MAPK8: variants seen among roughly 807,000 people sequenced by gnomAD.
The protein encoded by MAPK8 is mitogen-activated protein kinase 8, also known as JUN N-terminal kinase.
A neutral mutation model predicts 52.9 loss-of-function variants in MAPK8; 13 were observed. The observed-to-expected ratio is 0.25, with a 90% confidence interval of 0.16 to 0.39. MAPK8 has a LOEUF of 0.39. Ranked by LOEUF, MAPK8 falls within the 10% of genes least tolerant of loss-of-function variation. MAPK8 has a pLI of 1.00. For synonymous variants in MAPK8, 191 were observed against 169.8 expected, an observed-to-expected ratio of 1.12 and a Z score of -0.97; for missense variants, 300 against 519.2, an observed-to-expected ratio of 0.58 and a Z score of 4.10.
chr10:48,400,236 G>A (rs1372249470), intron 1 of MAPK8, among the ~76,000 whole-genome samples: 1 of 152,156 alleles, frequency 6.6e-6, no homozygotes, highest in Non-Finnish European at 1.5e-5. Flanking sequence ...AGTCTTCCCT[G>A]GAGCACTACA....
intron 1 of MAPK8, among the ~76,000 whole-genome samples, chr10:48,388,981 G>A (rs1177875332): frequency 6.6e-6 from 1 of 152,030 alleles, no homozygotes; most frequent in Non-Finnish European, 1.5e-5. Context: ...TTTTTTGGGG[G>A]GAAAGGAGGA....
chr10:48,337,734 G>A (rs1844834532), intron 1 of MAPK8, among the ~76,000 whole-genome samples: 1 of 152,006 alleles, frequency 6.6e-6, no homozygotes, highest in Admixed American at 6.6e-5. Context: ...AAAGAGAGAA[G>A]ATTCAAATAA....
intron 10 of MAPK8, among the ~76,000 whole-genome samples, chr10:48,428,450 C>G (rs1240913636): frequency 6.6e-6 from 1 of 152,174 alleles, no homozygotes; most frequent in Non-Finnish European, 1.5e-5. Flanking sequence ...AGAGTTGTCT[C>G]TAAATCCTGG....
At chr10:48,356,841 C>CAAAAAAA (rs869186711) in intron 1 of MAPK8, among the ~76,000 whole-genome samples, 13 of 30,278 alleles carry the variant, frequency 4.3e-4, no homozygotes, top group Non-Finnish European at 7.2e-4. Context: ...GACTCCGTCT[C>CAAAAAAA]AAAAAAAAAA....
chr10:48,391,061 A>C (rs1285092376), intron 1 of MAPK8, among the ~76,000 whole-genome samples: 1 of 152,228 alleles, frequency 6.6e-6, no homozygotes, highest in Non-Finnish European at 1.5e-5. Context: ...GGATAGATAC[A>C]AAAGAGTGTT....
intron 1 of MAPK8, among the ~76,000 whole-genome samples, chr10:48,314,879 G>A (rs1440617215): frequency 6.6e-6 from 1 of 152,088 alleles, no homozygotes; most frequent in Admixed American, 6.5e-5. Context: ...AGGCTATTAT[G>A]TATGGTTCCA....
chr10:48,433,615 G>C (rs1280859370), intron 11 of MAPK8, among the ~76,000 whole-genome samples: 1 of 152,044 alleles, frequency 6.6e-6, no homozygotes, highest in Non-Finnish European at 1.5e-5. Context: ...CACATGCTTT[G>C]TCTCTTGTGG....
intron 1 of MAPK8, among the ~76,000 whole-genome samples, chr10:48,396,084 GA>G (rs1183940954): frequency 1.3e-5 from 2 of 151,714 alleles, no homozygotes; most frequent in Non-Finnish European, 2.9e-5. Flanking sequence ...CCATAAAGGA[GA>G]AAAAAATAAT....
intron 1 of MAPK8, among the ~76,000 whole-genome samples, chr10:48,350,344 A>G (rs1216102074): frequency 1.3e-5 from 2 of 152,220 alleles, no homozygotes; most frequent in African/African-American, 4.8e-5. Flanking sequence ...AATATCCCTG[A>G]TGAACATTGA....
rs552729171 is a variant in MAPK8, at chr10:48,438,070, C to T, written c.*3041C>T. The T allele has an allele frequency of 5.3e-5, 8 of 152,368 alleles. No individual in the cohort carries two copies. The highest frequency in any genetic ancestry group is 3.9e-4 in the Admixed American group (6 of 15,302). 9.4% of individuals were successfully genotyped at this position (152,368 alleles called of 1,614,324 possible). On this transcript the variant is annotated 3_prime_UTR_variant, in exon 12 of 12. Transcript: ENST00000374189. ...TATTCAGTGTTGCCTAGGCATTCGC[C>T]TGCACAACATTTTGAGGTTAGAACA...
At chr10:48,339,483 A>G (rs1225235081) in intron 1 of MAPK8, among the ~76,000 whole-genome samples, 2 of 152,190 alleles carry the variant, frequency 1.3e-5, no homozygotes, top group Non-Finnish European at 2.9e-5. Flanking sequence ...TAAAAATTCT[A>G]GAAGAAAACC....
At position 48,307,442 on chromosome 10, in the gene MAPK8, G is replaced by C. The variant is rs540858919; in HGVS notation, c.-50+621G>C. Among the ~76,000 whole-genome samples the C allele has an allele frequency of 2.6e-5, 4 of 152,318 alleles. No individual in the cohort carries two copies. In the East Asian group the frequency reaches 7.7e-4, roughly 29 times the overall value. On this transcript the variant is annotated intron_variant, in intron 1 of 11. Transcript: ENST00000374189. ...GGCTCGGGTGGGAGGTGTCCATCCA[G>C]CTTGGCCCGAGCTTCGGTGGTCAGC...
intron 10 of MAPK8, chr10:48,430,084 TTTTG>T (rs1274985864): frequency 3.3e-5 from 5 of 152,128 alleles, no homozygotes; most frequent in Non-Finnish European, 5.9e-5. Context: ...TAAGAAGGTT[TTTTG>T]TTTGTTTTTG....
chr10:48,323,210 G>A (rs1843154172), intron 1 of MAPK8, among the ~76,000 whole-genome samples: 1 of 152,084 alleles, frequency 6.6e-6, no homozygotes, highest in Non-Finnish European at 1.5e-5. Flanking sequence ...AAAGGTATAG[G>A]GTAACATTTT....
chr10:48,345,163 A>G (rs2132373557), intron 1 of MAPK8, among the ~76,000 whole-genome samples: 2 of 152,344 alleles, frequency 1.3e-5, no homozygotes, highest in Admixed American at 1.3e-4. Flanking sequence ...CTCTGAGAGT[A>G]AAGTATTCGG....
Position 48,316,265 on chromosome 10 carries a change from G to A in MAPK8, c.-50+9444G>A, listed in dbSNP as rs187128073. Among the ~76,000 whole-genome samples the A allele has an allele frequency of 6.6e-5, 10 of 152,230 alleles. No individual in the cohort carries two copies. In the East Asian group the frequency reaches 1.7e-3, roughly 26 times the overall value. Reference sequence around the variant, plus strand: ...TTTAGATACACAAATACTTCCCATTGTGTTACAGTTGCCTGCAGTATTCAG... The same window carrying A: ...TTTAGATACACAAATACTTCCCATTATGTTACAGTTGCCTGCAGTATTCAG... On this transcript the variant is annotated intron_variant, in intron 1 of 11. Coordinates refer to ENST00000374189, the MANE Select transcript of MAPK8 (RefSeq NM_001323329.2).
At chr10:48,429,543 G>A (rs2044002200) in intron 10 of MAPK8, among the ~76,000 whole-genome samples, 1 of 152,146 alleles carries the variant, frequency 6.6e-6, no homozygotes, top group African/African-American at 2.4e-5. Flanking sequence ...CCTAGTTAGT[G>A]CTCCTAATTA....
intron 1 of MAPK8, among the ~76,000 whole-genome samples, chr10:48,380,562 T>C (rs940045262): frequency 6.7e-6 from 1 of 150,128 alleles, no homozygotes; most frequent in Admixed American, 6.6e-5. Context: ...TGAAACCCCA[T>C]ATCTACTAAA....
chr10:48,368,537 A>G (rs1294095180), intron 1 of MAPK8, among the ~76,000 whole-genome samples: 2 of 152,214 alleles, frequency 1.3e-5, no homozygotes, highest in Non-Finnish European at 2.9e-5. Flanking sequence ...GCCAGGGCCA[A>G]ATCATCCAGA....
Sources: allele counts gnomAD v4.1 joint callset (sites outside exome capture counted in the v4.1 genomes callset), GRCh38; gene constraint gnomAD v4.1.1; transcripts MANE v1.5; gene names NCBI Gene and HGNC (gene_info 2026-07-23, HGNC 2026-07-21).